Variants in NOL4 observed in about 807,000 individuals in gnomAD.
NOL4 encodes cancer/testis antigen 125.
NOL4 carries 17 observed loss-of-function variants against 75.9 expected under a neutral mutation model. That is an observed-to-expected ratio of 0.22 (90% CI 0.15 to 0.34). The LOEUF (loss-of-function observed/expected upper bound fraction) is 0.34. Among genes scored for constraint, NOL4 ranks in the 10% least tolerant of loss-of-function variants. The pLI is 1.00. For missense variants in NOL4, 614 were observed against 793.5 expected, an observed-to-expected ratio of 0.77 and a Z score of 2.72; for synonymous variants, 292 against 289.9, an observed-to-expected ratio of 1.01 and a Z score of -0.07.
At chr18:33,942,769 A>G (rs529709474) in intron 9 of NOL4, among the ~76,000 whole-genome samples, 1 of 151,870 alleles carries the variant, frequency 6.6e-6, no homozygotes, top group Admixed American at 6.6e-5. Flanking sequence ...GCTGTTGGAA[A>G]TGATCAGCTA....
chr18:33,969,351 C>T (rs556499713), intron 6 of NOL4, among the ~76,000 whole-genome samples: 1 of 152,210 alleles, frequency 6.6e-6, no homozygotes, highest in Admixed American at 6.5e-5. Context: ...TTATATTTCA[C>T]TTTTCATCTT....
chr18:33,868,293 T>C lies in NOL4; in HGVS notation c.1723+14951A>G, dbSNP rs370564147. Among the ~76,000 whole-genome samples the C allele has an allele frequency of 2.2e-4, 33 of 151,878 alleles. No homozygotes were observed. The East Asian group carries it at 5.3e-3, about 24-fold the overall frequency. On this transcript the variant is annotated intron_variant, in intron 10 of 10. Coordinates refer to ENST00000261592, the MANE Select transcript of NOL4 (RefSeq NM_003787.5). ...ATCTGGGCTCAAGCAAACCACCTGC[T>C]TCAGCTAGGATTATAGGTGTGAGCC...
chr18:33,979,894 T>C (rs984174408), intron 6 of NOL4, among the ~76,000 whole-genome samples: 1 of 152,054 alleles, frequency 6.6e-6, no homozygotes, highest in African/African-American at 2.4e-5. Flanking sequence ...AAATTAGATA[T>C]TGCTTCTGAC....
In NOL4 at chr18:33,922,933, C is replaced by A. The variant is rs76717681; in HGVS notation, c.1542+20132G>T. On this transcript the variant is annotated intron_variant, in intron 9 of 10. Transcript: ENST00000261592. Reference sequence around the variant, plus strand: ...CCAGTGCAATTTATCATATATACATCCTTTTGTAATTATTGAAATTCTGTT... The same window carrying A: ...CCAGTGCAATTTATCATATATACATACTTTTGTAATTATTGAAATTCTGTT... Among the ~76,000 whole-genome samples, 815 of 152,152 alleles carry A rather than the reference C, an allele frequency of 5.4e-3. 13 individuals carry two copies. Among genetic ancestry groups the A allele is most frequent in the African/African-American group, 0.019 (785 of 41,524 alleles).
intron 9 of NOL4, among the ~76,000 whole-genome samples, chr18:33,936,860 G>C (rs2068092353): frequency 6.6e-6 from 1 of 152,048 alleles, no homozygotes; most frequent in African/African-American, 2.4e-5. Flanking sequence ...ACACTGATAG[G>C]AGATAAATCA....
rs532144165 is a variant in NOL4, at chr18:34,048,958, A to AT, written c.773-29358dup. On this transcript the variant is annotated intron_variant, in intron 5 of 10. Transcript: ENST00000261592. ...TTAAAAGCATTTTGCTTACTTTTAGATTTTTTAAAATGATTACAATGAGTT... is the reference window on the plus strand; with the variant it reads ...TTAAAAGCATTTTGCTTACTTTTAGATTTTTTTAAAATGATTACAATGAGTT... Among the ~76,000 whole-genome samples, 8 of 152,060 alleles carry AT rather than the reference A, an allele frequency of 5.3e-5. No individual in the cohort carries two copies. The South Asian group carries it at 1.7e-3, about 32-fold the overall frequency.
intron 6 of NOL4, among the ~76,000 whole-genome samples, chr18:33,963,949 C>T (rs916577838): frequency 1.3e-5 from 2 of 152,046 alleles, no homozygotes; most frequent in Non-Finnish European, 2.9e-5. Context: ...TATTTGCAGC[C>T]AGTGGAAAAA....
chr18:34,155,954 A>G (rs1024129740), intron 1 of NOL4, among the ~76,000 whole-genome samples: 5 of 152,158 alleles, frequency 3.3e-5, no homozygotes, highest in African/African-American at 1.2e-4. Flanking sequence ...CAAGATTAAG[A>G]AATCAGAAAG....
chr18:34,211,439 A>G (rs190811433), intron 1 of NOL4, among the ~76,000 whole-genome samples: 7 of 152,290 alleles, frequency 4.6e-5, no homozygotes, highest in Admixed American at 3.9e-4. Flanking sequence ...AATTAGGTCA[A>G]TTGGGTAGAG....
chr18:33,967,087 A>T (rs75870259), intron 6 of NOL4, among the ~76,000 whole-genome samples: 14 of 152,284 alleles, frequency 9.2e-5, no homozygotes, highest in African/African-American at 2.9e-4. Flanking sequence ...CACTACAAGG[A>T]TACGATAACG....
intron 5 of NOL4, among the ~76,000 whole-genome samples, chr18:34,085,767 A>T (rs1420072150): frequency 6.6e-6 from 1 of 152,180 alleles, no homozygotes; most frequent in Non-Finnish European, 1.5e-5. Context: ...ACAACTAAAC[A>T]TCATTTTTCA....
intron 5 of NOL4, among the ~76,000 whole-genome samples, chr18:34,027,152 A>G (rs2075384591): frequency 6.6e-6 from 1 of 152,214 alleles, no homozygotes; most frequent in South Asian, 2.1e-4. Flanking sequence ...AAATAGTAGA[A>G]TATAAAGAAA....
intron 5 of NOL4, among the ~76,000 whole-genome samples, chr18:34,079,956 G>A (rs1600510856): frequency 1.3e-5 from 2 of 152,206 alleles, no homozygotes; most frequent in Admixed American, 6.5e-5. Context: ...TAGCCTAAGG[G>A]CTGTTCATTG....
At chr18:33,886,083 G>T (rs1400008294) in intron 9 of NOL4, among the ~76,000 whole-genome samples, 2 of 152,162 alleles carry the variant, frequency 1.3e-5, no homozygotes, top group East Asian at 3.9e-4. Context: ...GACAAACATT[G>T]CATATTCTCA....
intron 6 of NOL4, among the ~76,000 whole-genome samples, chr18:33,980,895 G>A (rs946686656): frequency 1.3e-5 from 2 of 151,904 alleles, no homozygotes; most frequent in African/African-American, 4.8e-5. Context: ...AAATTATCAT[G>A]CAATAAATTT....
At chr18:34,131,014 C>T (rs1195618100) in intron 1 of NOL4, among the ~76,000 whole-genome samples, 1 of 151,540 alleles carries the variant, frequency 6.6e-6, no homozygotes, top group Non-Finnish European at 1.5e-5. Context: ...ATGACTGCAA[C>T]ATGAAAGGGC....
rs555313855 is a variant in NOL4 at position 33,939,738 on chromosome 18, C to T, written c.1542+3327G>A. Among the ~76,000 whole-genome samples, 31 of 152,230 alleles carry T rather than the reference C, an allele frequency of 2.0e-4. No individual in the cohort carries two copies. In the South Asian group the frequency reaches 6.0e-3, roughly 29 times the overall value. ...CTGCAAAGAGACAATTTGACTTCCT[C>T]TCTTCCTATTTAAATACCCTTTCTT... On this transcript the variant is annotated intron_variant, in intron 9 of 10. Coordinates refer to ENST00000261592, the MANE Select transcript of NOL4 (RefSeq NM_003787.5).
At chr18:33,925,786 C>CCAGAGGAAGACTCCA in intron 9 of NOL4, among the ~76,000 whole-genome samples, 1 of 151,780 alleles carries the variant, frequency 6.6e-6, no homozygotes, top group Non-Finnish European at 1.5e-5. Flanking sequence ...ATGTAAAATG[C>CCAGAGGAAGACTCCA]TTTGAAAAAA....
chr18:33,972,276 A>G lies in NOL4; in HGVS notation c.1057-13858T>C, dbSNP rs190833849. On this transcript the variant is annotated intron_variant, in intron 6 of 10. Transcript: ENST00000261592. ...GTATAAAAATGCCTGCAACTCAACAATAAAAAAAAACAAATAACCTGATTA... is the reference window on the plus strand; with the variant it reads ...GTATAAAAATGCCTGCAACTCAACAGTAAAAAAAAACAAATAACCTGATTA... 2.2e-3 allele frequency among the ~76,000 whole-genome samples: 337 copies of G among 152,238 alleles called. 2 individuals are homozygous for G. The highest frequency in any genetic ancestry group is 3.9e-3 in the Non-Finnish European group (265 of 68,024).
Sources: allele counts gnomAD v4.1 joint callset (sites outside exome capture counted in the v4.1 genomes callset), GRCh38; gene constraint gnomAD v4.1.1; transcripts MANE v1.5; gene names NCBI Gene and HGNC (gene_info 2026-07-23, HGNC 2026-07-21).